The following PKHD1 variants were observed in gnomAD, a reference collection of about 807,000 sequenced individuals.
PKHD1 encodes PKHD1 ciliary IPT domain containing fibrocystin/polyductin, also known as fibrocystin.
Under a neutral mutation model 412.0 loss-of-function variants are expected in PKHD1, and 291 were observed. The ratio of observed to expected loss-of-function variants is 0.71; its 90% CI spans 0.64 to 0.78. The LOEUF (loss-of-function observed/expected upper bound fraction) is 0.78. PKHD1 is among the 30% of genes least tolerant of loss of function. The pLI, the probability that PKHD1 is intolerant of heterozygous loss-of-function variation, is 0.00. For missense variants in PKHD1, 4,825 were observed against 4,950.7 expected (o/e 0.97, Z 0.76); for synonymous variants, 1,777 against 1,821.5 (o/e 0.98, Z 0.62).
At chr6:51,765,474 C>T (rs553329391) in intron 55 of PKHD1, among the ~76,000 whole-genome samples, 16 of 152,250 alleles carry the variant, frequency 1.1e-4, no homozygotes, top group African/African-American at 2.6e-4. Flanking sequence ...GCTCACTCTG[C>T]GCCAGCTATA....
At chr6:51,849,977 G>A (rs898054812) in intron 49 of PKHD1, among the ~76,000 whole-genome samples, 6 of 152,202 alleles carry the variant, frequency 3.9e-5, no homozygotes, top group Admixed American at 1.3e-4. Context: ...CTATGCCTAT[G>A]TCCTGGATGG....
rs557437764 is a variant in PKHD1 at position 52,071,028 on chromosome 6, G to A, written c.645C>T (p.Cys215=). 1.9e-6 allele frequency: 3 copies of A among 1,604,504 alleles called. No individual in the cohort carries two copies. The highest frequency in any genetic ancestry group is 1.3e-5 in the African/African-American group (1 of 74,706). ...GACCGATGTAGTCGCCTTCCACATGGCACTGCAGAGTCCCAAGACCATGGT... is the reference window on the plus strand; with the variant it reads ...GACCGATGTAGTCGCCTTCCACATGACACTGCAGAGTCCCAAGACCATGGT... ...QEDHGLGTLQ[C]HVEGDYIGSQ... is the part of the protein sequence containing the mutation. Residue 215 remains cysteine (C), a synonymous_variant, in exon 9 of 67, where the codon TGC becomes TGT. Coordinates refer to ENST00000371117, the MANE Select transcript of PKHD1 (RefSeq NM_138694.4).
intron 33 of PKHD1, among the ~76,000 whole-genome samples, chr6:52,018,774 A>G (rs533528961): frequency 3.9e-4 from 60 of 152,254 alleles, no homozygotes; most frequent in Non-Finnish European, 6.5e-4. Flanking sequence ...CTCAGCCTCA[A>G]AAAGTGCTAG....
chr6:51,693,004 T>A (rs1204256254), intron 60 of PKHD1, among the ~76,000 whole-genome samples: 2 of 152,232 alleles, frequency 1.3e-5, no homozygotes, highest in Non-Finnish European at 2.9e-5. Context: ...TATCTTTGTT[T>A]CTCCTCAACT....
intron 50 of PKHD1, 42 bp from the exon 51 acceptor site, chr6:51,836,511 A>T (rs1221790622): frequency 7.4e-6 from 10 of 1,359,590 alleles, no homozygotes; most frequent in Non-Finnish European, 9.5e-6. Context: ...TACAAAGATC[A>T]TCTTAATATT....
In PKHD1 at chr6:51,748,221, A is replaced by T; in HGVS notation, c.9395T>A (p.Leu3132His). The T allele has an allele frequency of 6.2e-7, 1 of 1,614,050 alleles. No individual in the cohort carries two copies. The change falls in exon 58 of 67, where the codon CTC (leucine) becomes CAC (histidine). Residue 3132 changes from leucine (L) to histidine (H), a missense_variant. Leu to His is a moderately conservative substitution (Grantham distance 99, BLOSUM62 -3). Transcript: ENST00000371117. ...VAHSSLHGLH[L>H]YKESGLDNCT... Reference sequence around the variant, plus strand: ...GTTGTCAAGTCCACTTTCCTTATAGAGATGAAGGCCATGAAGACTTGAATG... The same window carrying T: ...GTTGTCAAGTCCACTTTCCTTATAGTGATGAAGGCCATGAAGACTTGAATG...
At chr6:52,015,802 C>T (rs1800450318) in intron 34 of PKHD1, among the ~76,000 whole-genome samples, 1 of 151,034 alleles carries the variant, frequency 6.6e-6, no homozygotes, top group East Asian at 2.0e-4. Context: ...CCAGCCTGGG[C>T]AACAGAGCAA....
chr6:52,032,733 T>TATC (rs1435688135), intron 29 of PKHD1, among the ~76,000 whole-genome samples: 1 of 152,216 alleles, frequency 6.6e-6, no homozygotes, highest in African/African-American at 2.4e-5. Context: ...ATGTTTATGC[T>TATC]ATCATTATTG....
intron 60 of PKHD1, among the ~76,000 whole-genome samples, chr6:51,703,726 A>G (rs1234310965): frequency 1.3e-5 from 2 of 152,038 alleles, no homozygotes; most frequent in Non-Finnish European, 2.9e-5. Context: ...CCTAAAATGT[A>G]GCAACATGCC....
Position 51,831,696 on chromosome 6 carries a change from C to T in PKHD1, c.8174-707G>A, listed in dbSNP as rs145237060. ...CACAGCTCTCCCTACACATTAAAGGCGGGGTAATAATCTAAAAACTTCTCA... is the reference window on the plus strand; with the variant it reads ...CACAGCTCTCCCTACACATTAAAGGTGGGGTAATAATCTAAAAACTTCTCA... On this transcript the variant is annotated intron_variant, in intron 51 of 66. Coordinates refer to ENST00000371117, the MANE Select transcript of PKHD1 (RefSeq NM_138694.4). 3.2e-3 allele frequency among the ~76,000 whole-genome samples: 481 copies of T among 152,194 alleles called. 2 individuals are homozygous for T. Among genetic ancestry groups the T allele is most frequent in the African/African-American group, 0.011 (458 of 41,530 alleles).
chr6:52,055,466 G>A (rs966452614), intron 19 of PKHD1, 121 bp downstream of exon 19: 1 of 1,135,640 alleles, frequency 8.8e-7, no homozygotes, highest in South Asian at 1.3e-5. Flanking sequence ...ACCTCAGCCT[G>A]AAACACCTTG....
At chr6:51,916,788 A>G (rs1020143713) in intron 37 of PKHD1, among the ~76,000 whole-genome samples, 1 of 152,118 alleles carries the variant, frequency 6.6e-6, no homozygotes. Context: ...TACGCATAAA[A>G]AGCTCAATAA....
intron 60 of PKHD1, among the ~76,000 whole-genome samples, chr6:51,720,322 T>C (rs1781751574): frequency 6.6e-6 from 1 of 152,120 alleles, no homozygotes; most frequent in African/African-American, 2.4e-5. Flanking sequence ...GAAAATCTCA[T>C]TTTCTTCAAA....
chr6:51,720,785 G>GTGTGTGTGTGTA (rs1167022876), intron 60 of PKHD1: 6 of 142,478 alleles, frequency 4.2e-5, no homozygotes, highest in African/African-American at 1.6e-4. Context: ...GTGTGTGTGT[G>GTGTGTGTGTGTA]TATATATATA....
chr6:51,988,575 C>A (rs1382706706), intron 35 of PKHD1, among the ~76,000 whole-genome samples: 4 of 152,206 alleles, frequency 2.6e-5, no homozygotes, highest in African/African-American at 9.6e-5. Context: ...TCTATGCGAG[C>A]CTTTTGGCCA....
At chr6:51,686,495 C>T (rs929683038) in intron 60 of PKHD1, among the ~76,000 whole-genome samples, 2 of 152,188 alleles carry the variant, frequency 1.3e-5, no homozygotes, top group South Asian at 4.1e-4. Flanking sequence ...TCTCTGTCTC[C>T]TTCTCAGTGA....
chr6:51,654,483 C>T (rs1374485190), intron 61 of PKHD1, among the ~76,000 whole-genome samples: 2 of 152,018 alleles, frequency 1.3e-5, no homozygotes, highest in Non-Finnish European at 2.9e-5. Context: ...TTTCAAGAGT[C>T]TATTATATTT....
intron 60 of PKHD1, among the ~76,000 whole-genome samples, chr6:51,717,812 A>G (rs1490994240): frequency 6.6e-6 from 1 of 152,214 alleles, no homozygotes; most frequent in East Asian, 1.9e-4. Flanking sequence ...GGACACAGGC[A>G]TGAAGGTATG....
intron 37 of PKHD1, among the ~76,000 whole-genome samples, chr6:51,922,627 C>A (rs140309370): frequency 4.7e-4 from 72 of 152,314 alleles, no homozygotes; most frequent in African/African-American, 1.5e-3. Flanking sequence ...ACTTTGTTTA[C>A]CTACTCAAGC....
Sources: gnomAD v4.1 joint callset for allele counts (sites outside exome capture counted in the v4.1 genomes callset) on GRCh38, gnomAD v4.1.1 for gene constraint, MANE v1.5 for transcripts, NCBI Gene and HGNC (gene_info 2026-07-23, HGNC 2026-07-21) for gene names.